KLHL5: variants seen among roughly 807,000 people sequenced by gnomAD.
KLHL5 encodes the protein kelch-like protein 5.
KLHL5 carries 48 observed loss-of-function variants against 77.7 expected under a neutral mutation model. The ratio of observed to expected loss-of-function variants is 0.62; its 90% CI spans 0.49 to 0.79. KLHL5 has a LOEUF of 0.79. KLHL5 is among the 30% of genes least tolerant of loss of function. The pLI, the probability that KLHL5 is intolerant of heterozygous loss-of-function variation, is 0.00. For missense variants in KLHL5, 723 were observed against 859.7 expected (o/e 0.84, Z 1.99); for synonymous variants, 260 against 297.0 (o/e 0.88, Z 1.28).
intron 5 of KLHL5, among the ~76,000 whole-genome samples, chr4:39,090,007 A>AT (rs1205709399): frequency 6.6e-6 from 1 of 151,932 alleles, no homozygotes; most frequent in Non-Finnish European, 1.5e-5. Flanking sequence ...GTCAGGGTTG[A>AT]TTTTTTTTCA....
intron 1 of KLHL5, among the ~76,000 whole-genome samples, chr4:39,055,183 C>T (rs1716922818): frequency 6.6e-6 from 1 of 152,210 alleles, no homozygotes; most frequent in African/African-American, 2.4e-5. Flanking sequence ...CTTCAGACTA[C>T]TAGGGGTCCT....
At chr4:39,092,917 G>A (rs1392959420) in intron 5 of KLHL5, among the ~76,000 whole-genome samples, 3 of 152,150 alleles carry the variant, frequency 2.0e-5, no homozygotes, top group Non-Finnish European at 4.4e-5. Context: ...AATGTAAGAC[G>A]GGGCTGCCAC....
downstream of KLHL5, among the ~76,000 whole-genome samples, chr4:39,127,473 G>A (rs1723601352): frequency 6.6e-6 from 1 of 152,054 alleles, no homozygotes; most frequent in South Asian, 2.1e-4. Context: ...TTTGAGACAG[G>A]GTCTTGCTCT....
chr4:39,119,353 G>A (rs576270218), intron 10 of KLHL5, among the ~76,000 whole-genome samples: 9 of 152,148 alleles, frequency 5.9e-5, no homozygotes, highest in East Asian at 1.9e-4. Context: ...TTGGGAGGCC[G>A]AAGCAGGTGG....
At position 39,062,351 on chromosome 4, in the gene KLHL5, A is replaced by G. The variant is rs557958642; in HGVS notation, c.-302A>G. ...TCAGTGTTTGTGAGACCTAATGGTCAGTATGGGAAAGGAGAGCCGGGAAAG... is the reference window on the plus strand; with the variant it reads ...TCAGTGTTTGTGAGACCTAATGGTCGGTATGGGAAAGGAGAGCCGGGAAAG... On this transcript the variant is annotated 5_prime_UTR_variant, in exon 1 of 11. Coordinates refer to ENST00000504108, the MANE Select transcript of KLHL5 (RefSeq NM_015990.5). 32 of 1,427,198 alleles carry G rather than the reference A, an allele frequency of 2.2e-5. No homozygotes were observed. In the African/African-American group the frequency reaches 4.2e-4, roughly 19 times the overall value. The allele number at this position is 1,427,198 out of a possible 1,614,324, so 88.4% of individuals were successfully genotyped here.
Position 39,123,891 on chromosome 4 carries a change from A to C in KLHL5, c.*2825A>C, listed in dbSNP as rs1165368309. On this transcript the variant is annotated 3_prime_UTR_variant, in exon 11 of 11. Transcript: ENST00000504108. ...GAAATAAAATGAATCCCAAATAGGAAGAAGTAAAACTACATTTGCAGAAAA... is the reference window on the plus strand; with the variant it reads ...GAAATAAAATGAATCCCAAATAGGACGAAGTAAAACTACATTTGCAGAAAA... 6.6e-6 allele frequency among the ~76,000 whole-genome samples: 1 copy of C among 152,196 alleles called. No individual in the cohort carries two copies. Among genetic ancestry groups the C allele is most frequent in the Non-Finnish European group, 1.5e-5 (1 of 68,030 alleles).
At chr4:39,069,461 TATATATATATATACACACACACACAC>T (rs1206257453) in intron 1 of KLHL5, among the ~76,000 whole-genome samples, 3 of 52,460 alleles carry the variant, frequency 5.7e-5, no homozygotes, top group African/African-American at 1.9e-4. Flanking sequence ...TATATATATA[TATATATATATATACACACACACACAC>T]ACACACACAC....
At chr4:39,068,892 T>C (rs1718147689) in intron 1 of KLHL5, among the ~76,000 whole-genome samples, 1 of 152,206 alleles carries the variant, frequency 6.6e-6, no homozygotes, top group South Asian at 2.1e-4. Context: ...TTAGGAAGTA[T>C]ATTAGTAAGG....
rs573069130 is a variant in KLHL5, at chr4:39,052,859, T to C, written c.-95+7763T>C. Among the ~76,000 whole-genome samples the C allele has an allele frequency of 8.5e-5, 13 of 152,286 alleles. No homozygotes were observed. The East Asian group carries it at 2.3e-3, about 27-fold the overall frequency. ...TTTATTTGTCATCTCCTTCCCCCCA[T>C]TGGAGTTTGGGAGGACTACTCTGAA... On this transcript the variant is annotated intron_variant, in intron 1 of 11. Coordinates refer to the KLHL5 transcript ENST00000261425.
the KLHL5 span, among the ~76,000 whole-genome samples, chr4:39,132,207 G>C: frequency 6.9e-6 from 1 of 145,152 alleles, no homozygotes; most frequent in African/African-American, 2.9e-5. Flanking sequence ...GGAATGTCCA[G>C]GAAGAGGTGA....
the KLHL5 span, among the ~76,000 whole-genome samples, chr4:39,139,354 A>G: frequency 6.6e-6 from 1 of 151,732 alleles, no homozygotes; most frequent in Non-Finnish European, 1.5e-5. Flanking sequence ...AACTATGGAG[A>G]CAGTAAAAAG....
intron 10 of KLHL5, among the ~76,000 whole-genome samples, chr4:39,116,617 A>C (rs1722858485): frequency 6.6e-6 from 1 of 152,164 alleles, no homozygotes; most frequent in Admixed American, 6.6e-5. Context: ...AAAATGTGAA[A>C]GAAATGTCAC....
In KLHL5 at chr4:39,124,444, GTGT is replaced by G. The variant is rs1384323318; in HGVS notation, c.*3382_*3384del. ...CTGCAAAGCTACTTCAATCAAAACA[GTGT>G]TGTGCTGGTATAAAAATATATAAAG... On this transcript the variant is annotated 3_prime_UTR_variant, in exon 11 of 11. Coordinates refer to ENST00000504108, the MANE Select transcript of KLHL5 (RefSeq NM_015990.5). Among the ~76,000 whole-genome samples, 1 of 152,152 alleles carries G rather than the reference GTGT, an allele frequency of 6.6e-6. No individual in the cohort carries two copies. The highest frequency in any genetic ancestry group is 1.5e-5 in the Non-Finnish European group (1 of 68,004).
rs1719659636 is a variant in KLHL5 at position 39,081,994 on chromosome 4, G to A, written c.735G>A (p.Glu245=). ...GRLELKEDNI[E]CLLSTACLLQ... is the part of the protein sequence containing the mutation. ...TTGAATTAAAAGAAGATAATATTGA[G>A]TGCCTGTTATCTACAGCTTGCCTTC... Residue 245 remains glutamate (E), a synonymous_variant, in exon 4 of 11, where the codon GAG becomes GAA. Coordinates refer to ENST00000504108, the MANE Select transcript of KLHL5 (RefSeq NM_015990.5). The surrounding 1 kb of genome is among the most constrained non-coding windows in gnomAD (Gnocchi z 4.3). 6.2e-7 allele frequency: 1 copy of A among 1,606,168 alleles called. No homozygotes were observed. Among genetic ancestry groups the A allele is most frequent in the Non-Finnish European group, 8.5e-7 (1 of 1,177,590 alleles).
At chr4:39,139,115 C>T in the KLHL5 span, among the ~76,000 whole-genome samples, 1 of 152,072 alleles carries the variant, frequency 6.6e-6, no homozygotes, top group Non-Finnish European at 1.5e-5. Flanking sequence ...AACCCCCTCT[C>T]TACTAAAAAT....
At chr4:39,082,227 C>T in intron 4 of KLHL5, 68 bp downstream of exon 4, 5 of 1,225,514 alleles carry the variant, frequency 4.1e-6, no homozygotes, top group Non-Finnish European at 4.5e-6. Context: ...GCAGGCTTAT[C>T]TGCATGTTAC....
chr4:39,081,378 G>A lies in KLHL5; in HGVS notation c.703+139G>A. Reference sequence around the variant, plus strand: ...CATTACTACCCTTTGTATTTAACCTGGTGATGAATTAAAATTTCCATACTA... The same window carrying A: ...CATTACTACCCTTTGTATTTAACCTAGTGATGAATTAAAATTTCCATACTA... On this transcript the variant is annotated intron_variant, in intron 3 of 10. Transcript: ENST00000504108. This position sits in a 1 kb window ranked among gnomAD's most constrained non-coding sequence, Gnocchi z 4.3. The A allele has an allele frequency of 1.7e-6, 1 of 576,216 alleles. No individual in the cohort carries two copies. Among genetic ancestry groups the A allele is most frequent in the South Asian group, 6.8e-5 (1 of 14,786 alleles). The allele number at this position is 576,216 out of a possible 1,614,324, so 35.7% of individuals were successfully genotyped here. A position where few individuals can be genotyped will look rare whatever the true frequency, so the allele number is the denominator to read the frequency against.
At chr4:39,083,230 G>T (rs1719774674) in intron 4 of KLHL5, among the ~76,000 whole-genome samples, 1 of 152,148 alleles carries the variant, frequency 6.6e-6, no homozygotes, top group Non-Finnish European at 1.5e-5. Context: ...GATCAATTCT[G>T]TCTACTTCAT....
chr4:39,049,362 G>C (rs1023464869), intron 1 of KLHL5, among the ~76,000 whole-genome samples: 3 of 152,242 alleles, frequency 2.0e-5, no homozygotes, highest in African/African-American at 4.8e-5. Context: ...TTTTTAAATT[G>C]TATGTCCATT....
Sources: allele counts gnomAD v4.1 joint callset (sites outside exome capture counted in the v4.1 genomes callset), GRCh38; gene constraint gnomAD v4.1.1; non-coding constraint Gnocchi (gnomAD v3.1); transcripts MANE v1.5; gene names NCBI Gene and HGNC (gene_info 2026-07-23, HGNC 2026-07-21).